MGMT: variants seen among roughly 807,000 people sequenced by gnomAD.
MGMT encodes the protein O-6-methylguanine-DNA methyltransferase, also known as methylated-DNA--protein-cysteine methyltransferase.
MGMT carries 14 observed loss-of-function variants against 15.9 expected under a neutral mutation model. That is an observed-to-expected ratio of 0.88 (90% CI 0.58 to 1.37). MGMT has a LOEUF of 1.37. MGMT is among the 40% of genes most tolerant of loss of function. MGMT has a pLI of 0.00. For synonymous variants in MGMT, 130 were observed against 118.2 expected (o/e 1.10, Z -0.65); for missense variants, 282 against 268.1 (o/e 1.05, Z -0.36).
intron 2 of MGMT, among the ~76,000 whole-genome samples, chr10:129,545,461 A>G (rs184048492): frequency 1.3e-5 from 2 of 152,348 alleles, no homozygotes; most frequent in East Asian, 1.9e-4. Flanking sequence ...CACATGAGTC[A>G]TTGTAAAGTT....
At chr10:129,728,165 G>A (rs1255074399) in intron 3 of MGMT, among the ~76,000 whole-genome samples, 1 of 152,170 alleles carries the variant, frequency 6.6e-6, no homozygotes, top group Admixed American at 6.5e-5. Context: ...GGGACAAGGG[G>A]GACCTGAAGC....
At chr10:129,676,160 A>G (rs563794361) in intron 2 of MGMT, among the ~76,000 whole-genome samples, 1 of 152,300 alleles carries the variant, frequency 6.6e-6, no homozygotes, top group South Asian at 2.1e-4. Context: ...GCGTGAATCA[A>G]TGGAAGGCAA....
At chr10:129,648,777 A>G (rs530041097) in intron 2 of MGMT, among the ~76,000 whole-genome samples, 8 of 152,228 alleles carry the variant, frequency 5.3e-5, no homozygotes, top group Non-Finnish European at 5.9e-5. Context: ...CCAGAAAAGA[A>G]GTTGAATAAT....
At chr10:129,521,561 C>T (rs995677176) in intron 1 of MGMT, among the ~76,000 whole-genome samples, 1 of 152,224 alleles carries the variant, frequency 6.6e-6, no homozygotes, top group Non-Finnish European at 1.5e-5. Context: ...TATCCAAGAG[C>T]AGCTGCTGAG....
chr10:129,762,123 T>C (rs1589981272), intron 4 of MGMT, among the ~76,000 whole-genome samples: 1 of 152,188 alleles, frequency 6.6e-6, no homozygotes, highest in Non-Finnish European at 1.5e-5. Flanking sequence ...TGTTTCCCTT[T>C]GGCGCTGACA....
chr10:129,493,929 G>A (rs1845494690), intron 1 of MGMT, among the ~76,000 whole-genome samples: 1 of 152,136 alleles, frequency 6.6e-6, no homozygotes, highest in East Asian at 1.9e-4. Flanking sequence ...CATCACAGTT[G>A]TGTGTTTGAC....
chr10:129,685,383 C>T (rs547614071), intron 2 of MGMT, among the ~76,000 whole-genome samples: 22 of 152,308 alleles, frequency 1.4e-4, no homozygotes, highest in Non-Finnish European at 2.4e-4. Flanking sequence ...GCCAGGCAGC[C>T]AGTGTGAATC....
intron 2 of MGMT, among the ~76,000 whole-genome samples, chr10:129,682,337 T>A (rs1393742758): frequency 1.3e-5 from 2 of 152,108 alleles, no homozygotes; most frequent in Non-Finnish European, 2.9e-5. Flanking sequence ...CAACTATTGA[T>A]ACACGGTACA....
intron 2 of MGMT, among the ~76,000 whole-genome samples, chr10:129,544,325 C>T (rs1275845497): frequency 6.6e-6 from 1 of 152,204 alleles, no homozygotes; most frequent in African/African-American, 2.4e-5. Flanking sequence ...CCAGCATCGG[C>T]GTCTGTTCAG....
intron 2 of MGMT, among the ~76,000 whole-genome samples, chr10:129,537,638 A>G (rs776491692): frequency 6.6e-4 from 101 of 152,250 alleles, no homozygotes; most frequent in Admixed American, 1.2e-3. Context: ...AACAAACATT[A>G]TAAGATATGT....
chr10:129,562,587 C>T (rs1490777905), intron 2 of MGMT, among the ~76,000 whole-genome samples: 1 of 152,146 alleles, frequency 6.6e-6, no homozygotes, highest in Non-Finnish European at 1.5e-5. Flanking sequence ...GTAGGAGGAG[C>T]TTTTTTTCCC....
intron 3 of MGMT, 136 bp from the exon 4 acceptor site, chr10:129,759,066 T>C: frequency 9.0e-7 from 1 of 1,113,456 alleles, no homozygotes; most frequent in South Asian, 1.5e-5. Flanking sequence ...CAGCAGTGCA[T>C]GGAGGCCGTG....
At chr10:129,557,494 A>G (rs890755001) in intron 2 of MGMT, among the ~76,000 whole-genome samples, 2 of 152,362 alleles carry the variant, frequency 1.3e-5, no homozygotes, top group Non-Finnish European at 2.9e-5. Flanking sequence ...AGTAAATTGT[A>G]ATTGTCCTCA....
intron 2 of MGMT, among the ~76,000 whole-genome samples, chr10:129,652,569 A>C (rs1847473533): frequency 6.6e-6 from 1 of 152,234 alleles, no homozygotes; most frequent in South Asian, 2.1e-4. Context: ...GAGGGGAGCA[A>C]GAAAGCATCG....
At chr10:129,540,797 A>G (rs1437691997) in intron 2 of MGMT, among the ~76,000 whole-genome samples, 2 of 152,192 alleles carry the variant, frequency 1.3e-5, no homozygotes, top group African/African-American at 4.8e-5. Context: ...TGCACCTTGG[A>G]TGCCATCTGG....
intron 1 of MGMT, among the ~76,000 whole-genome samples, chr10:129,497,975 G>A (rs917918940): frequency 7.9e-5 from 12 of 152,184 alleles, no homozygotes; most frequent in Non-Finnish European, 1.6e-4. Context: ...CCCAGTCTAA[G>A]GTATTTTATT....
chr10:129,727,820 G>T (rs1482328983), intron 3 of MGMT, among the ~76,000 whole-genome samples: 1 of 152,246 alleles, frequency 6.6e-6, no homozygotes, highest in Non-Finnish European at 1.5e-5. Context: ...GTAGCCTTCA[G>T]CTGTGTGGGC....
chr10:129,654,118 C>T (rs10829612), intron 2 of MGMT, among the ~76,000 whole-genome samples: 67,679 of 152,036 alleles, frequency 0.45, 17,116 homozygotes, highest in African/African-American at 0.69. Flanking sequence ...GCTGCCTCGC[C>T]GACCCCCGCC....
At chr10:129,491,172 G>A (rs1358863155) in intron 1 of MGMT, among the ~76,000 whole-genome samples, 2 of 151,924 alleles carry the variant, frequency 1.3e-5, no homozygotes, top group Non-Finnish European at 2.9e-5. Context: ...TGTTTACTTA[G>A]TTTTTAATGC....
Sources: allele counts gnomAD v4.1 joint callset (sites outside exome capture counted in the v4.1 genomes callset), GRCh38; gene constraint gnomAD v4.1.1; transcripts MANE v1.5; gene names NCBI Gene and HGNC (gene_info 2026-07-23, HGNC 2026-07-21).